PPARGC1A: variants seen among roughly 807,000 people sequenced by gnomAD.
PPARGC1A encodes peroxisome proliferator-activated receptor gamma coactivator 1-alpha.
A neutral mutation model predicts 88.7 loss-of-function variants in PPARGC1A; 25 were observed. The ratio of observed to expected loss-of-function variants is 0.28; its 90% CI spans 0.21 to 0.39. The LOEUF is 0.39. Among genes scored for constraint, PPARGC1A ranks in the 10% least tolerant of loss-of-function variants. The probability of loss-of-function intolerance (pLI) is 1.00; values close to 1 mark genes in which losing one functional copy is unlikely to be tolerated. For synonymous variants in PPARGC1A, 363 were observed against 355.6 expected, an observed-to-expected ratio of 1.02 and a Z score of -0.24; for missense variants, 880 against 968.7, an observed-to-expected ratio of 0.91 and a Z score of 1.22.
intron 7 of PPARGC1A, 83 bp downstream of exon 7, chr4:23,824,197 G>C: frequency 2.6e-6 from 3 of 1,166,010 alleles, no homozygotes; most frequent in Non-Finnish European, 2.6e-6. Flanking sequence ...TAACCACATA[G>C]ACAGTACACT....
the PPARGC1A span, among the ~76,000 whole-genome samples, chr4:24,467,081 GGAGAGA>G: frequency 1.5e-5 from 2 of 129,396 alleles, no homozygotes; most frequent in Admixed American, 7.4e-5. Context: ...AGAAAGAAAG[GGAGAGA>G]GAGAGAGAGA....
intron 2 of PPARGC1A, among the ~76,000 whole-genome samples, chr4:23,850,835 GAATTCAAAT>G (rs1368518492): frequency 6.6e-6 from 1 of 152,158 alleles, no homozygotes; most frequent in East Asian, 1.9e-4. Flanking sequence ...GTCTGAGTAG[GAATTCAAAT>G]GCTGGTTCCC....
chr4:24,198,578 C>T, the PPARGC1A span, among the ~76,000 whole-genome samples: 3 of 152,204 alleles, frequency 2.0e-5, no homozygotes, highest in African/African-American at 7.2e-5. Context: ...GTCAGGTCCC[C>T]CGTTTAAAAA....
the PPARGC1A span, among the ~76,000 whole-genome samples, chr4:24,213,017 GACACCT>G: frequency 4.6e-5 from 7 of 152,084 alleles, no homozygotes; most frequent in African/African-American, 1.7e-4. Context: ...CTTGTTGGTG[GACACCT>G]GCCAGCCTGA....
chr4:23,841,668 T>C (rs549526834), intron 2 of PPARGC1A, among the ~76,000 whole-genome samples: 114 of 152,208 alleles, frequency 7.5e-4, no homozygotes, highest in African/African-American at 2.5e-3. Context: ...AATACTCATT[T>C]CTATGAAGCA....
the PPARGC1A span, among the ~76,000 whole-genome samples, chr4:24,418,747 A>T: frequency 6.6e-6 from 1 of 152,212 alleles, no homozygotes; most frequent in Non-Finnish European, 1.5e-5. Context: ...TACCATTTTC[A>T]TTATGAATCC....
the PPARGC1A span, among the ~76,000 whole-genome samples, chr4:24,341,990 T>C: frequency 3.9e-5 from 6 of 152,294 alleles, no homozygotes; most frequent in Non-Finnish European, 8.8e-5. Flanking sequence ...TTGCCACCAT[T>C]TTGAAGATAA....
the PPARGC1A span, among the ~76,000 whole-genome samples, chr4:24,177,081 T>C: frequency 6.6e-6 from 1 of 152,102 alleles, no homozygotes; most frequent in African/African-American, 2.4e-5. Flanking sequence ...GATCTAAAAC[T>C]AGAAATACCA....
the PPARGC1A span, among the ~76,000 whole-genome samples, chr4:24,043,766 A>C: frequency 6.6e-6 from 1 of 152,182 alleles, no homozygotes; most frequent in African/African-American, 2.4e-5. Context: ...CATACTTAAA[A>C]CATAGCTATG....
At chr4:24,226,299 C>T in the PPARGC1A span, among the ~76,000 whole-genome samples, 1 of 152,322 alleles carries the variant, frequency 6.6e-6, no homozygotes, top group Non-Finnish European at 1.5e-5. Context: ...CTGCATCATA[C>T]ACTGCCGACC....
At chr4:24,312,159 C>T in the PPARGC1A span, among the ~76,000 whole-genome samples, 1 of 152,244 alleles carries the variant, frequency 6.6e-6, no homozygotes. Context: ...GAACTCTTGC[C>T]CAGTAATGAC....
At chr4:24,092,519 T>C in the PPARGC1A span, among the ~76,000 whole-genome samples, 3 of 152,200 alleles carry the variant, frequency 2.0e-5, no homozygotes, top group African/African-American at 7.2e-5. Context: ...TTCAAATTTC[T>C]CTGATGTAAT....
In PPARGC1A at chr4:23,836,472, G is replaced by A. The variant is rs1726033361; in HGVS notation, c.235-4721C>T. On this transcript the variant is annotated intron_variant, in intron 2 of 12. Transcript: ENST00000264867. ...GCACATCAACAAAAACTCACTCATG[G>A]TGTAAAGAATTTCCAGTGACAGATG... 2.0e-5 allele frequency among the ~76,000 whole-genome samples: 3 copies of A among 152,182 alleles called. No individual in the cohort carries two copies. The South Asian group carries it at 6.2e-4, about 32-fold the overall frequency.
the PPARGC1A span, among the ~76,000 whole-genome samples, chr4:24,191,786 A>G: frequency 0.72 from 109,185 of 152,110 alleles, 41,780 homozygotes; most frequent in Middle Eastern, 0.89. Context: ...CCATCATGAG[A>G]ACAATAAGGC....
chr4:23,910,400 A>C, the PPARGC1A span, among the ~76,000 whole-genome samples: 1 of 108,116 alleles, frequency 9.2e-6, no homozygotes, highest in South Asian at 2.3e-4. Context: ...TATATTATAT[A>C]TATATTAACC....
the PPARGC1A span, among the ~76,000 whole-genome samples, chr4:24,364,925 T>C: frequency 1.2e-4 from 18 of 152,128 alleles, no homozygotes; most frequent in Non-Finnish European, 1.9e-4. Flanking sequence ...CACGTATCGA[T>C]ACTCAATAAA....
At chr4:23,975,243 AT>A in the PPARGC1A span, among the ~76,000 whole-genome samples, 1 of 152,136 alleles carries the variant, frequency 6.6e-6, no homozygotes, top group Non-Finnish European at 1.5e-5. Flanking sequence ...ACTGGTAAAT[AT>A]TTTTATTATC....
chr4:24,371,804 G>A, the PPARGC1A span, among the ~76,000 whole-genome samples: 17 of 144,662 alleles, frequency 1.2e-4, no homozygotes, highest in African/African-American at 4.3e-4. Flanking sequence ...AAAAAAAATT[G>A]GGCAGGCATG....
chr4:24,444,229 C>T, the PPARGC1A span, among the ~76,000 whole-genome samples: 1 of 151,796 alleles, frequency 6.6e-6, no homozygotes, highest in African/African-American at 2.4e-5. Flanking sequence ...GACAGGGTTT[C>T]GCCACATTGG....
Sources: allele counts gnomAD v4.1 joint callset (sites outside exome capture counted in the v4.1 genomes callset), GRCh38; gene constraint gnomAD v4.1.1; transcripts MANE v1.5; gene names NCBI Gene and HGNC (gene_info 2026-07-23, HGNC 2026-07-21).